Variants in TEAD1 observed in about 807,000 individuals in gnomAD.
The protein encoded by TEAD1 is transcriptional enhancer factor TEF-1.
In TEAD1, 9 loss-of-function variants were observed where a neutral mutation model predicts 54.9. The ratio of observed to expected loss-of-function variants is 0.16; its 90% confidence interval spans 0.10 to 0.29. The LOEUF (loss-of-function observed/expected upper bound fraction) is 0.29, where lower values mean the gene tolerates loss of function less well. TEAD1 is among the 10% of genes least tolerant of loss of function. The pLI is 1.00. For missense variants in TEAD1, 387 were observed against 535.9 expected (o/e 0.72, Z 2.74); for synonymous variants, 200 against 187.8 (o/e 1.07, Z -0.53).
At chr11:12,921,741 T>C (rs2134157939) in intron 10 of TEAD1, among the ~76,000 whole-genome samples, 1 of 152,142 alleles carries the variant, frequency 6.6e-6, no homozygotes, top group Non-Finnish European at 1.5e-5. Context: ...TCAGAGCCCC[T>C]GTGTGCCTGA....
At chr11:12,890,259 A>C (rs968344758) in intron 9 of TEAD1, among the ~76,000 whole-genome samples, 1 of 152,222 alleles carries the variant, frequency 6.6e-6, no homozygotes, top group African/African-American at 2.4e-5. Flanking sequence ...TTCAAAAGTT[A>C]AAAACAGCTG....
intron 9 of TEAD1, among the ~76,000 whole-genome samples, chr11:12,884,942 A>T (rs1429767160): frequency 6.6e-6 from 1 of 152,198 alleles, no homozygotes; most frequent in East Asian, 1.9e-4. Flanking sequence ...GCTTTGGCCC[A>T]GATGCTGCTT....
At chr11:12,835,275 G>A (rs550180509) in intron 3 of TEAD1, among the ~76,000 whole-genome samples, 1 of 152,126 alleles carries the variant, frequency 6.6e-6, no homozygotes, top group Non-Finnish European at 1.5e-5. Context: ...ACCCAATGTA[G>A]GTCTAGAATT....
chr11:12,930,364 G>T (rs1363969143), intron 12 of TEAD1, 38 bp downstream of exon 12: 1 of 1,613,112 alleles, frequency 6.2e-7, no homozygotes, highest in Non-Finnish European at 8.5e-7. Flanking sequence ...GGCAGATGCT[G>T]CCATGAGGCT....
chr11:12,702,711 G>A (rs1472149712), intron 2 of TEAD1, among the ~76,000 whole-genome samples: 2 of 151,704 alleles, frequency 1.3e-5, no homozygotes, highest in Non-Finnish European at 2.9e-5. Context: ...AGCTACTTCC[G>A]TCCTTCTCTC....
chr11:12,770,495 A>G (rs1328459428), intron 3 of TEAD1, among the ~76,000 whole-genome samples: 1 of 152,208 alleles, frequency 6.6e-6, no homozygotes, highest in East Asian at 1.9e-4. Flanking sequence ...CAGACATAAA[A>G]TAACTTAAAA....
At chr11:12,859,921 C>T (rs1947465333) in intron 3 of TEAD1, among the ~76,000 whole-genome samples, 1 of 152,126 alleles carries the variant, frequency 6.6e-6, no homozygotes, top group Admixed American at 6.5e-5. Flanking sequence ...AAATTTAATG[C>T]AGTGTTTGGC....
At position 12,943,324 on chromosome 11, in the gene TEAD1, T is replaced by C. The variant is rs1000296962; in HGVS notation, c.*6102T>C. On this transcript the variant is annotated 3_prime_UTR_variant, in exon 13 of 13. Coordinates refer to ENST00000527636, the MANE Select transcript of TEAD1 (RefSeq NM_021961.6). ...ATTAGTCAAATGCTTGTTTTCCTGC[T>C]TCTCTTTTCAACTGTTACTGTGCTT... 3 of 152,690 alleles carry C rather than the reference T, an allele frequency of 2.0e-5. No homozygotes were observed. Among genetic ancestry groups the C allele is most frequent in the African/African-American group, 7.2e-5 (3 of 41,478 alleles). The allele number at this position is 152,690 out of a possible 1,614,324, so 9.5% of individuals were successfully genotyped here.
At chr11:12,748,498 T>G (rs544755179) in intron 2 of TEAD1, among the ~76,000 whole-genome samples, 6 of 152,266 alleles carry the variant, frequency 3.9e-5, no homozygotes, top group South Asian at 2.1e-4. Flanking sequence ...CATAATGCAC[T>G]TCAGTCCTGA....
chr11:12,679,018 G>A (rs554118611), intron 2 of TEAD1, among the ~76,000 whole-genome samples: 8 of 152,172 alleles, frequency 5.3e-5, no homozygotes, highest in African/African-American at 9.7e-5. Flanking sequence ...TTGGTCCACT[G>A]ATTTTTTGCA....
chr11:12,904,592 G>C (rs1948485313), intron 10 of TEAD1, among the ~76,000 whole-genome samples: 2 of 152,114 alleles, frequency 1.3e-5, no homozygotes, highest in Admixed American at 1.3e-4. Context: ...TATCTGAGGA[G>C]TCTGTCACAT....
intron 3 of TEAD1, among the ~76,000 whole-genome samples, chr11:12,778,516 G>T (rs920594576): frequency 6.7e-6 from 1 of 149,426 alleles, no homozygotes; most frequent in African/African-American, 2.5e-5. Context: ...TCCATTAAAG[G>T]CCTCATCAGA....
At chr11:12,709,944 T>C (rs753209886) in intron 2 of TEAD1, among the ~76,000 whole-genome samples, 4 of 152,126 alleles carry the variant, frequency 2.6e-5, no homozygotes, top group African/African-American at 4.8e-5. Flanking sequence ...TTCTACCTTT[T>C]AAAAGTCCTA....
At chr11:12,818,458 C>T (rs1161954449) in intron 3 of TEAD1, among the ~76,000 whole-genome samples, 1 of 152,110 alleles carries the variant, frequency 6.6e-6, no homozygotes, top group African/African-American at 2.4e-5. Context: ...GCTTTGGGGC[C>T]TCCCTGGGGA....
chr11:12,808,063 G>A (rs2133984156), intron 3 of TEAD1, among the ~76,000 whole-genome samples: 1 of 152,260 alleles, frequency 6.6e-6, no homozygotes, highest in Non-Finnish European at 1.5e-5. Context: ...AATGAATATA[G>A]TACACAGCCT....
At position 12,938,910 on chromosome 11, in the gene TEAD1, C is replaced by T. The variant is rs1949134413; in HGVS notation, c.*1688C>T. ...ACTTGTAAAACATGTCAAGATTTTT[C>T]CACCAAGCTAGAAAATAAAAAACTT... On this transcript the variant is annotated 3_prime_UTR_variant, in exon 13 of 13. Coordinates refer to ENST00000527636, the MANE Select transcript of TEAD1 (RefSeq NM_021961.6). 2 of 152,310 alleles carry T rather than the reference C, an allele frequency of 1.3e-5. No individual in the cohort carries two copies. Among genetic ancestry groups the T allele is most frequent in the Middle Eastern group, 3.4e-3 (1 of 294 alleles). 9.4% of individuals were successfully genotyped at this position (152,310 alleles called of 1,614,324 possible).
chr11:12,736,193 G>T (rs4757015), intron 2 of TEAD1, among the ~76,000 whole-genome samples: 152,370 of 152,370 alleles, frequency 1, 76,185 homozygotes, highest in Non-Finnish European at 1. Flanking sequence ...ATTCCAAATG[G>T]GTCCTTTTCT....
chr11:12,882,854 G>T, intron 8 of TEAD1, 147 bp from the exon 9 acceptor site: 1 of 1,176,596 alleles, frequency 8.5e-7, no homozygotes, highest in Admixed American at 2.0e-5. Flanking sequence ...GCCAGCATCT[G>T]TCGTCTGAGT....
chr11:12,762,140 A>G (rs1371040335), intron 2 of TEAD1, among the ~76,000 whole-genome samples: 1 of 152,154 alleles, frequency 6.6e-6, no homozygotes, highest in African/African-American at 2.4e-5. Context: ...GAGTAAATTC[A>G]TACTGCTGTG....
Sources: gnomAD v4.1 joint callset for allele counts (sites outside exome capture counted in the v4.1 genomes callset) on GRCh38, gnomAD v4.1.1 for gene constraint, MANE v1.5 for transcripts, NCBI Gene and HGNC (gene_info 2026-07-23, HGNC 2026-07-21) for gene names.